The following AMZ2 variants were observed in gnomAD, a reference collection of about 807,000 sequenced individuals.
AMZ2 encodes archaemetzincin-2.
AMZ2 carries 26 observed loss-of-function variants against 36.7 expected under a neutral mutation model. The ratio of observed to expected loss-of-function variants is 0.71; its 90% CI spans 0.52 to 0.98. The LOEUF (loss-of-function observed/expected upper bound fraction) is 0.98, where lower values mean the gene tolerates loss of function less well. Among genes scored for constraint, AMZ2 ranks in the 50% least tolerant of loss-of-function variants. The probability of loss-of-function intolerance (pLI) is 0.00; values close to 1 mark genes in which losing one functional copy is unlikely to be tolerated. For missense variants in AMZ2, 394 were observed against 430.5 expected (o/e 0.92, Z 0.75); for synonymous variants, 144 against 149.1 (o/e 0.97, Z 0.25).
intron 1 of AMZ2, among the ~76,000 whole-genome samples, chr17:68,208,207 C>T (rs532464484): frequency 5.6e-4 from 86 of 152,312 alleles, no homozygotes; most frequent in Admixed American, 7.2e-4. Context: ...GGGCACAGGG[C>T]GCGGGACTGG....
At chr17:68,221,041 C>T (rs1359128648) in intron 1 of AMZ2, among the ~76,000 whole-genome samples, 5 of 151,966 alleles carry the variant, frequency 3.3e-5, no homozygotes, top group South Asian at 2.1e-4. Flanking sequence ...GCCTCGGCCC[C>T]GCAAAGTGCT....
chr17:68,240,153 G>A (rs373231330), intron 1 of AMZ2, among the ~76,000 whole-genome samples: 5 of 152,198 alleles, frequency 3.3e-5, no homozygotes, highest in African/African-American at 1.2e-4. Context: ...GTGTCTTCTT[G>A]CAGTGGCCTC....
intron 4 of AMZ2, among the ~76,000 whole-genome samples, chr17:68,253,077 G>A (rs182942717): frequency 2.0e-5 from 3 of 152,276 alleles, no homozygotes; most frequent in Admixed American, 2.0e-4. Context: ...AAAGTGAGAC[G>A]CATTGACTAC....
chr17:68,227,672 G>C (rs1291627274), intron 1 of AMZ2, among the ~76,000 whole-genome samples: 2 of 152,034 alleles, frequency 1.3e-5, no homozygotes, highest in African/African-American at 4.8e-5. Flanking sequence ...CCTTCTCCTC[G>C]GTGTGTCTGA....
intron 1 of AMZ2, among the ~76,000 whole-genome samples, chr17:68,236,443 AG>A (rs2073789067): frequency 6.6e-6 from 1 of 151,982 alleles, no homozygotes; most frequent in Admixed American, 6.6e-5. Flanking sequence ...CAAGGTAAAT[AG>A]TTAAAAAAAA....
intron 1 of AMZ2, among the ~76,000 whole-genome samples, chr17:68,241,321 T>C (rs574103949): frequency 7.9e-5 from 12 of 152,200 alleles, no homozygotes; most frequent in Non-Finnish European, 1.6e-4. Context: ...AACGAAAGCA[T>C]GGTCATGTAC....
chr17:68,238,668 C>CA (rs2073842082), intron 1 of AMZ2, among the ~76,000 whole-genome samples: 1 of 152,038 alleles, frequency 6.6e-6, no homozygotes, highest in African/African-American at 2.4e-5. Flanking sequence ...GACAAGACAT[C>CA]AAAGAATTGC....
intron 1 of AMZ2, among the ~76,000 whole-genome samples, chr17:68,209,604 G>GTGTGTGTATATA (rs1324576987): frequency 8.5e-6 from 1 of 117,758 alleles, no homozygotes; most frequent in African/African-American, 3.6e-5. Context: ...GTGTGTGTGT[G>GTGTGTGTATATA]TATATGTATA....
intron 1 of AMZ2, among the ~76,000 whole-genome samples, chr17:68,228,126 C>A (rs1387954492): frequency 6.6e-6 from 1 of 152,112 alleles, no homozygotes; most frequent in East Asian, 1.9e-4. Flanking sequence ...CATCATCTTT[C>A]CTGCCCGAGC....
Position 68,256,906 on chromosome 17 carries a change from C to A in AMZ2, c.1020C>A (p.Pro340=). Residue 340 remains proline, a synonymous_variant, in exon 7 of 7, where the codon CCC becomes CCA. Coordinates refer to ENST00000359904, the MANE Select transcript of AMZ2 (RefSeq NM_016627.5). Reference sequence around the variant, plus strand: ...AGGATAATGGGAATTTACCGAAACCCGTGGAAGCCTTTAAGGAATGGAAAG... The same window carrying A: ...AGGATAATGGGAATTTACCGAAACCAGTGGAAGCCTTTAAGGAATGGAAAG... ...SHEDNGNLPK[P]VEAFKEWKEW... 6.2e-7 allele frequency: 1 copy of A among 1,614,096 alleles called. No individual in the cohort carries two copies. The highest frequency in any genetic ancestry group is 1.3e-5 in the African/African-American group (1 of 75,048).
At chr17:68,217,050 A>AC (rs1379054085) in intron 1 of AMZ2, among the ~76,000 whole-genome samples, 1 of 148,244 alleles carries the variant, frequency 6.7e-6, no homozygotes, top group African/African-American at 2.5e-5. Flanking sequence ...AAAAAAAAAA[A>AC]GTCTTTAAAA....
At chr17:68,221,886 A>G (rs1241278652) in intron 1 of AMZ2, among the ~76,000 whole-genome samples, 1 of 152,180 alleles carries the variant, frequency 6.6e-6, no homozygotes, top group African/African-American at 2.4e-5. Flanking sequence ...GTGAGACTCC[A>G]TCTCAAAGAA....
At chr17:68,224,792 C>T (rs1432508760) in intron 1 of AMZ2, among the ~76,000 whole-genome samples, 2 of 151,884 alleles carry the variant, frequency 1.3e-5, no homozygotes, top group Non-Finnish European at 2.9e-5. Flanking sequence ...GCTTCTTTTT[C>T]ACTCCCTTTT....
At chr17:68,221,216 C>CT (rs1555728402) in intron 1 of AMZ2, among the ~76,000 whole-genome samples, 2 of 92,054 alleles carry the variant, frequency 2.2e-5, no homozygotes, top group Non-Finnish European at 4.5e-5. Flanking sequence ...AGCTCCCCCC[C>CT]CCGCCCCCCC....
At position 68,210,640 on chromosome 17, in the gene AMZ2, T is replaced by C. The variant is rs540400661; in HGVS notation, c.-67+4402T>C. 3.3e-5 allele frequency among the ~76,000 whole-genome samples: 5 copies of C among 152,238 alleles called. No individual in the cohort carries two copies. The East Asian group carries it at 5.8e-4, about 18-fold the overall frequency. ...TGTGAATATACTTAACTCTACTGAA[T>C]TGTACACTTAAAAATGGTTAGAGAC... On this transcript the variant is annotated intron_variant, in intron 1 of 7. Transcript: ENST00000674770.
intron 4 of AMZ2, among the ~76,000 whole-genome samples, chr17:68,253,744 C>G (rs1160043726): frequency 2.8e-5 from 4 of 144,488 alleles, no homozygotes; most frequent in Non-Finnish European, 4.5e-5. Flanking sequence ...ATCATGACTT[C>G]CTATTGTTCA....
At chr17:68,212,624 C>T (rs1186350298) in intron 1 of AMZ2, among the ~76,000 whole-genome samples, 5 of 151,926 alleles carry the variant, frequency 3.3e-5, no homozygotes, top group East Asian at 1.9e-4. Flanking sequence ...TGGGGTGCAA[C>T]GGCTCAATCT....
intron 5 of AMZ2, 85 bp from the exon 6 acceptor site, chr17:68,255,615 G>A (rs2144779371): frequency 2.1e-6 from 3 of 1,414,578 alleles, no homozygotes; most frequent in Non-Finnish European, 2.9e-6. Context: ...TGATTCCTAT[G>A]TTTCTTGGAA....
Position 68,248,637 on chromosome 17 carries a change from C to T in AMZ2, c.-69C>T, listed in dbSNP as rs1408163065. On this transcript the variant is annotated 5_prime_UTR_variant, in exon 1 of 7. The change creates a premature stop within an existing upstream ORF in the 5' untranslated region. Coordinates refer to ENST00000359904, the MANE Select transcript of AMZ2 (RefSeq NM_016627.5). Reference sequence around the variant, plus strand: ...GAAGTCACACTCCACAACTTTCTTCCAGCCAGGCCCAGACATGTCCGTCCT... The same window carrying T: ...GAAGTCACACTCCACAACTTTCTTCTAGCCAGGCCCAGACATGTCCGTCCT... The T allele has an allele frequency of 7.1e-6, 7 of 985,872 alleles. No individual in the cohort carries two copies. Among genetic ancestry groups the T allele is most frequent in the Non-Finnish European group, 8.4e-6 (7 of 830,078 alleles). The allele number at this position is 985,872 out of a possible 1,614,324, so 61.1% of individuals were successfully genotyped here.
Sources: allele counts gnomAD v4.1 joint callset (sites outside exome capture counted in the v4.1 genomes callset), GRCh38; gene constraint gnomAD v4.1.1; transcripts MANE v1.5; gene names NCBI Gene and HGNC (gene_info 2026-07-23, HGNC 2026-07-21).